Variants in SIMC1 observed in about 807,000 individuals in gnomAD.
The protein encoded by SIMC1 is SUMO interacting motifs containing 1, also known as SUMO-interacting motif-containing protein 1.
Under a neutral mutation model 82.3 loss-of-function variants are expected in SIMC1, and 55 were observed. The observed-to-expected ratio is 0.67, with a 90% CI of 0.54 to 0.84. The LOEUF (loss-of-function observed/expected upper bound fraction) is 0.84. Ranked by LOEUF, SIMC1 falls within the 40% of genes least tolerant of loss-of-function variation. The pLI is 0.00. For missense variants in SIMC1, 915 were observed against 1,107.2 expected (o/e 0.83, Z 2.46); for synonymous variants, 353 against 426.3 (o/e 0.83, Z 2.12).
At chr5:176,281,852 C>T (rs1231240532) in intron 1 of SIMC1, among the ~76,000 whole-genome samples, 3 of 152,194 alleles carry the variant, frequency 2.0e-5, no homozygotes, top group Admixed American at 6.5e-5. Flanking sequence ...GGGGGTGCCT[C>T]CCAGTTAGGC....
chr5:176,341,007 C>T (rs1027314354), intron 9 of SIMC1, among the ~76,000 whole-genome samples: 9 of 152,004 alleles, frequency 5.9e-5, no homozygotes, highest in South Asian at 4.2e-4. Flanking sequence ...ATTAGCCAGG[C>T]GTGGTGGTGG....
intron 1 of SIMC1, among the ~76,000 whole-genome samples, chr5:176,278,813 G>A (rs1234285201): frequency 6.8e-6 from 1 of 147,522 alleles, no homozygotes; most frequent in African/African-American, 2.5e-5. Context: ...CTTGATCATG[G>A]TGGATAAGCT....
chr5:176,257,701 C>T (rs1178589172), intron 1 of SIMC1, among the ~76,000 whole-genome samples: 1 of 152,172 alleles, frequency 6.6e-6, no homozygotes, highest in African/African-American at 2.4e-5. Context: ...TGTCTCCTTA[C>T]TATTTTTCCC....
Position 176,290,195 on chromosome 5 carries a change from G to A in SIMC1, c.671G>A (p.Arg224Gln), listed in dbSNP as rs371703466. The change falls in exon 2 of 10, where the codon CGA becomes CAA. Residue 224 changes from arginine (R) to glutamine (Q), a missense_variant. Around this residue, in one of 2 missense-constraint regions of SIMC1, gnomAD observed 902 missense variants for 1,040.3 expected, o/e 0.87. Transcript: ENST00000429602. ...CCACAGGCCTTGCCGTGCCCCCTGCGACCTTTGCCATGCCCACCGAGAGCC... is the reference window on the plus strand; with the variant it reads ...CCACAGGCCTTGCCGTGCCCCCTGCAACCTTTGCCATGCCCACCGAGAGCC... ...RPPQALPCPLRPLPCPPRASP... is the reference protein window; with the variant it reads ...RPPQALPCPLQPLPCPPRASP... 143 of 1,596,992 alleles carry A rather than the reference G, an allele frequency of 9.0e-5. No homozygotes were observed. The highest frequency in any genetic ancestry group is 3.4e-4 in the Admixed American group (20 of 58,594).
At chr5:176,282,696 G>C (rs573723904) in intron 1 of SIMC1, among the ~76,000 whole-genome samples, 2 of 152,310 alleles carry the variant, frequency 1.3e-5, no homozygotes. Context: ...CGAGTTGAGA[G>C]AACAAGACTT....
chr5:176,282,124 C>G (rs1328828648), intron 1 of SIMC1, among the ~76,000 whole-genome samples: 2 of 152,256 alleles, frequency 1.3e-5, no homozygotes, highest in Non-Finnish European at 2.9e-5. Flanking sequence ...CCTAAGCAAG[C>G]CTGGGCAATG....
chr5:176,320,339 ATT>A (rs1765105808), intron 5 of SIMC1, among the ~76,000 whole-genome samples: 1 of 25,138 alleles, frequency 4.0e-5, no homozygotes, highest in South Asian at 2.6e-3. Context: ...TATTTTATTT[ATT>A]TATTTATTTA....
At chr5:176,305,142 G>GGGGT (rs1764258911) in intron 4 of SIMC1, among the ~76,000 whole-genome samples, 1 of 128,418 alleles carries the variant, frequency 7.8e-6, no homozygotes, top group Non-Finnish European at 1.8e-5. Context: ...CAGGAGGGGG[G>GGGGT]GGGGGTCAGC....
intron 4 of SIMC1, among the ~76,000 whole-genome samples, chr5:176,305,470 G>A (rs796190964): frequency 5.6e-5 from 4 of 71,336 alleles, no homozygotes; most frequent in African/African-American, 2.4e-4. Flanking sequence ...CTGCCCGGCC[G>A]CCCCTACTGG....
intron 1 of SIMC1, among the ~76,000 whole-genome samples, chr5:176,287,396 G>T (rs1301948194): frequency 6.6e-6 from 1 of 152,096 alleles, no homozygotes; most frequent in Non-Finnish European, 1.5e-5. Context: ...ACCAAACACT[G>T]CATGTTCTCA....
intron 4 of SIMC1, among the ~76,000 whole-genome samples, chr5:176,302,748 T>C (rs1209728776): frequency 6.6e-6 from 1 of 152,136 alleles, no homozygotes; most frequent in Non-Finnish European, 1.5e-5. Flanking sequence ...CTCAGTTGCA[T>C]TTTTGTTAAA....
chr5:176,263,717 C>T (rs1157968877), intron 1 of SIMC1, among the ~76,000 whole-genome samples: 1 of 152,108 alleles, frequency 6.6e-6, no homozygotes, highest in Non-Finnish European at 1.5e-5. Context: ...TTATTCTTTC[C>T]CTGGCCCCCC....
In SIMC1 at chr5:176,238,605, C is replaced by G. The variant is rs1336365113; in HGVS notation, c.97C>G (p.Arg33Gly). 82 of 1,251,000 alleles carry G rather than the reference C, an allele frequency of 6.6e-5. 1 individual carries two copies. The African/African-American group carries it at 9.8e-4, about 15-fold the overall frequency. The allele number at this position is 1,251,000 out of a possible 1,614,324, so 77.5% of individuals were successfully genotyped here. ...RSRRPRRALS[R>G]TSGALPRRTV... ...GCGGAGGCCGCGCCGGGCCCTGTCG[C>G]GAACCTCCGGCGCGCTGCCCCGCCG... Residue 33 changes from arginine (R) to glycine (G), a missense_variant, in exon 1 of 10, where the codon CGA (arginine) becomes GGA (glycine). By Grantham distance (125) the Arg-to-Gly change is moderately radical. Transcript: ENST00000429602.
chr5:176,260,613 G>GAA (rs34163833), intron 1 of SIMC1, among the ~76,000 whole-genome samples: 6 of 151,564 alleles, frequency 4.0e-5, no homozygotes, highest in Admixed American at 6.6e-5. Context: ...GTTAAAAAAG[G>GAA]AAAAAAAATG....
intron 9 of SIMC1, among the ~76,000 whole-genome samples, chr5:176,343,117 T>G (rs1766224508): frequency 6.6e-6 from 1 of 152,250 alleles, no homozygotes; most frequent in African/African-American, 2.4e-5. Flanking sequence ...TGAGAGATTT[T>G]GCTTTTCCAT....
At position 176,335,096 on chromosome 5, in the gene SIMC1, C is replaced by CA. The variant is rs879418049; in HGVS notation, c.2172-1611dup. 1.6e-3 allele frequency among the ~76,000 whole-genome samples: 228 copies of CA among 142,150 alleles called. 1 individual carries two copies. Among genetic ancestry groups the CA allele is most frequent in the African/African-American group, 1.3e-3 (50 of 38,648 alleles). The allele number at this position is 142,150 out of a possible 152,430, so 93.3% of individuals were successfully genotyped here. A position where few individuals can be genotyped will look rare whatever the true frequency, so the allele number is the denominator to read the frequency against. ...TGGGCAAAAGAGCGAAACTCTGTCT[C>CA]AAAAAAAAAAAAATAATAATAATAA... On this transcript the variant is annotated intron_variant, in intron 7 of 9. Coordinates refer to ENST00000429602, the MANE Select transcript of SIMC1 (RefSeq NM_001308195.2).
At chr5:176,250,976 A>G (rs1761630599) in intron 1 of SIMC1, among the ~76,000 whole-genome samples, 1 of 152,152 alleles carries the variant, frequency 6.6e-6, no homozygotes, top group Non-Finnish European at 1.5e-5. Context: ...GATTAATATT[A>G]TGTGTGAATT....
At chr5:176,270,792 C>T (rs368329324) in intron 1 of SIMC1, among the ~76,000 whole-genome samples, 29 of 152,202 alleles carry the variant, frequency 1.9e-4, no homozygotes, top group African/African-American at 7.0e-4. Flanking sequence ...CAGACATAGC[C>T]AGAGGCAAAT....
At position 176,305,759 on chromosome 5, in the gene SIMC1, G is replaced by C. The variant is rs1764326315; in HGVS notation, c.1735-7932G>C. ...CCGCCCCGTCCGGGAGGGAGGTGAG[G>C]GGGTCAGCCCCCCACCCGGCCAGCC... On this transcript the variant is annotated intron_variant, in intron 4 of 9. Transcript: ENST00000429602. 3.4e-5 allele frequency among the ~76,000 whole-genome samples: 2 copies of C among 58,842 alleles called. 1 individual carries two copies. Among genetic ancestry groups the C allele is most frequent in the Non-Finnish European group, 7.5e-5 (2 of 26,712 alleles). The allele number at this position is 58,842 out of a possible 152,430, so 38.6% of individuals were successfully genotyped here. A position where few individuals can be genotyped will look rare whatever the true frequency, so the allele number is the denominator to read the frequency against.
Sources: gnomAD v4.1 joint callset for allele counts (sites outside exome capture counted in the v4.1 genomes callset) on GRCh38, gnomAD v4.1.1 for gene constraint, gnomAD v4.1.1 regional missense constraint, MANE v1.5 for transcripts, NCBI Gene and HGNC (gene_info 2026-07-23, HGNC 2026-07-21) for gene names.